The following TRABD2A variants were observed in gnomAD, a reference collection of about 807,000 sequenced individuals.
The protein encoded by TRABD2A is TraB domain containing 2A, also known as metalloprotease TIKI1.
TRABD2A carries 43 observed loss-of-function variants against 45.6 expected under a neutral mutation model. The observed-to-expected ratio is 0.94, with a 90% CI of 0.74 to 1.22. The LOEUF is 1.22. Among genes scored for constraint, TRABD2A ranks in the 50% most tolerant of loss-of-function variants. TRABD2A has a pLI of 0.00. For synonymous variants in TRABD2A, 269 were observed against 265.0 expected, an observed-to-expected ratio of 1.02 and a Z score of -0.15; for missense variants, 642 against 652.4, an observed-to-expected ratio of 0.98 and a Z score of 0.17.
intron 2 of TRABD2A, among the ~76,000 whole-genome samples, chr2:84,865,227 GA>G (rs72303233): frequency 3.3e-5 from 5 of 150,832 alleles, no homozygotes; most frequent in South Asian, 2.1e-4. Context: ...GCATTGTGGG[GA>G]AAAAAAAAGA....
chr2:84,852,860 C>T (rs1682142918), intron 2 of TRABD2A, among the ~76,000 whole-genome samples: 1 of 152,078 alleles, frequency 6.6e-6, no homozygotes, highest in Non-Finnish European at 1.5e-5. Flanking sequence ...ATAGATCTCC[C>T]AATGGGAGAA....
intron 5 of TRABD2A, among the ~76,000 whole-genome samples, chr2:84,829,617 A>ACATACC (rs36169293): frequency 6.7e-6 from 1 of 148,958 alleles, no homozygotes; most frequent in Non-Finnish European, 1.5e-5. Context: ...CACACACCAC[A>ACATACC]ACACAACGCA....
chr2:84,831,562 T>G (rs758839453), intron 5 of TRABD2A, among the ~76,000 whole-genome samples: 1 of 149,602 alleles, frequency 6.7e-6, no homozygotes, highest in Admixed American at 6.7e-5. Context: ...GAAATAAACC[T>G]AGGGAGGAGG....
At position 84,846,459 on chromosome 2, in the gene TRABD2A, G is replaced by C. The variant is rs569183686; in HGVS notation, c.670-4452C>G. Among the ~76,000 whole-genome samples the C allele has an allele frequency of 3.8e-4, 58 of 152,234 alleles. 1 individual carries two copies. The South Asian group carries it at 6.0e-3, about 16-fold the overall frequency. ...AAAAGATCAAGAGATACAGTGCCTC[G>C]AGAGACCAGCTAAGTGATGAGGTAG... On this transcript the variant is annotated intron_variant, in intron 2 of 6. Coordinates refer to ENST00000409520, the MANE Select transcript of TRABD2A (RefSeq NM_001277053.2).
intron 2 of TRABD2A, among the ~76,000 whole-genome samples, chr2:84,856,942 G>T (rs937531066): frequency 1.3e-5 from 2 of 152,194 alleles, no homozygotes; most frequent in African/African-American, 2.4e-5. Flanking sequence ...TCATAAGGGC[G>T]GGGCCCTGAC....
intron 2 of TRABD2A, among the ~76,000 whole-genome samples, chr2:84,860,400 G>A (rs1456084768): frequency 2.0e-5 from 3 of 152,282 alleles, no homozygotes; most frequent in Admixed American, 6.5e-5. Flanking sequence ...ACAGAGGGAC[G>A]AAGACGTGAA....
At position 84,870,449 on chromosome 2, in the gene TRABD2A, C is replaced by G. The variant is rs759830766; in HGVS notation, c.445G>C (p.Ala149Pro). The change falls in exon 2 of 7, where the codon GCA becomes CCA. Residue 149 changes from alanine (A) to proline (P), a missense_variant. Physicochemically the swap from Ala to Pro is conservative, Grantham distance 27 (BLOSUM62 -1). Coordinates refer to ENST00000409520, the MANE Select transcript of TRABD2A (RefSeq NM_001277053.2). The part of the protein sequence containing the change: ...TPDQRGKGLY[A>P]DYLFNAIAGN... The stretch of plus-strand genomic sequence containing the variant: ...GCAATAGCATTGAAGAGGTAGTCTG[C>G]GTAGAGCCCCTTGCCGCGCTGGTCT... 2 of 1,614,026 alleles carry G rather than the reference C, an allele frequency of 1.2e-6. No homozygotes were observed. Among genetic ancestry groups the G allele is most frequent in the Admixed American group, 3.3e-5 (2 of 60,026 alleles).
At chr2:84,867,966 A>G (rs377195828) in intron 2 of TRABD2A, among the ~76,000 whole-genome samples, 3,914 of 152,322 alleles carry the variant, frequency 0.026, 83 homozygotes, top group South Asian at 0.057. Flanking sequence ...GAGAAATAGG[A>G]ACGCTTTTAC....
intron 4 of TRABD2A, chr2:84,836,108 A>G (rs923086147): frequency 6.6e-6 from 1 of 152,240 alleles, no homozygotes; most frequent in Non-Finnish European, 1.5e-5. Context: ...GAAAAATCAC[A>G]ATCTGAAGAA....
intron 2 of TRABD2A, among the ~76,000 whole-genome samples, chr2:84,862,391 G>T (rs1682530294): frequency 1.3e-5 from 2 of 152,206 alleles, no homozygotes; most frequent in Non-Finnish European, 2.9e-5. Context: ...GGAAGAGCTG[G>T]CTGCTAGGGT....
chr2:84,863,438 G>T (rs1384802064), intron 2 of TRABD2A, among the ~76,000 whole-genome samples: 3 of 150,522 alleles, frequency 2.0e-5, no homozygotes, highest in African/African-American at 4.9e-5. Context: ...TAGACACGGG[G>T]TTTCACCATG....
intron 3 of TRABD2A, among the ~76,000 whole-genome samples, chr2:84,841,527 G>T (rs1023279164): frequency 1.3e-5 from 2 of 152,234 alleles, no homozygotes; most frequent in Admixed American, 6.5e-5. Flanking sequence ...TTTTGCAAAA[G>T]TATGACCTAA....
In TRABD2A at chr2:84,870,614, A is replaced by AG. The variant is rs1370826774; in HGVS notation, c.279dup (p.Tyr94LeufsTer84). The AG allele has an allele frequency of 1.4e-5, 22 of 1,613,252 alleles. No individual in the cohort carries two copies. The highest frequency in any genetic ancestry group is 1.8e-5 in the Non-Finnish European group (21 of 1,179,656). ...CAGCTGGTGAGAGCTGAGATGGTATAGGGGTCTGTGAGATCCAACTCAAAG... is the reference window on the plus strand; with the variant it reads ...CAGCTGGTGAGAGCTGAGATGGTATAGGGGGTCTGTGAGATCCAACTCAAAG... On this transcript the variant is annotated frameshift_variant, in exon 2 of 7. Transcript: ENST00000409520. LOFTEE classifies it high-confidence loss of function.
intron 1 of TRABD2A, chr2:84,879,548 T>C (rs756862573): frequency 6.2e-6 from 6 of 970,076 alleles, no homozygotes; most frequent in Non-Finnish European, 7.4e-6. Flanking sequence ...AATAAAGGAC[T>C]CATAAAGACA....
chr2:84,854,079 G>GA (rs140032393), intron 2 of TRABD2A, among the ~76,000 whole-genome samples: 1 of 149,016 alleles, frequency 6.7e-6, no homozygotes, highest in African/African-American at 2.4e-5. Context: ...ATTTATATTT[G>GA]AAAAAATAAA....
chr2:84,864,243 T>C (rs1440876775), intron 2 of TRABD2A, among the ~76,000 whole-genome samples: 1 of 152,174 alleles, frequency 6.6e-6, no homozygotes, highest in African/African-American at 2.4e-5. Context: ...CTGTGGAACA[T>C]GGACCACACA....
rs147885164 is a variant in TRABD2A at position 84,871,013 on chromosome 2, T to G, written c.109-228A>C. On this transcript the variant is annotated intron_variant, in intron 1 of 6. Transcript: ENST00000409520. ...AGGACTCTAGTTTCAACCTTGGCTG[T>G]ATGTTGGGATCACCAGCGGAGCTTT... Among the ~76,000 whole-genome samples, 394 of 152,306 alleles carry G rather than the reference T, an allele frequency of 2.6e-3. 2 individuals carry two copies. Among genetic ancestry groups the G allele is most frequent in the African/African-American group, 8.8e-3 (366 of 41,568 alleles).
Position 84,821,927 on chromosome 2 carries a change from G to T in TRABD2A, c.1508C>A (p.Pro503His), listed in dbSNP as rs765273481. Residue 503 changes from proline (P) to histidine (H), a missense_variant, in exon 7 of 7, where the codon CCC becomes CAC. Physicochemically the swap from Pro to His is moderately conservative, Grantham distance 77. Transcript: ENST00000409520. The part of the protein sequence containing the change: ...VLVLAFQTET[P>H]LL The stretch of plus-strand genomic sequence containing the variant: ...TGGTGCTTCCAGTCGTTACAGGAGG[G>T]GTGTCTCTGTTTGGAAAGCCAGCAC... The T allele has an allele frequency of 4.1e-5, 65 of 1,600,514 alleles. No individual in the cohort carries two copies. Among genetic ancestry groups the T allele is most frequent in the Non-Finnish European group, 5.4e-5 (63 of 1,173,254 alleles).
chr2:84,864,518 G>C (rs1469735409), intron 2 of TRABD2A, among the ~76,000 whole-genome samples: 1 of 152,156 alleles, frequency 6.6e-6, no homozygotes, highest in East Asian at 1.9e-4. Flanking sequence ...CTCAGAGGCA[G>C]AGTTGGATTA....
Sources: gnomAD v4.1 joint callset for allele counts (sites outside exome capture counted in the v4.1 genomes callset) on GRCh38, gnomAD v4.1.1 for gene constraint, MANE v1.5 for transcripts, NCBI Gene and HGNC (gene_info 2026-07-23, HGNC 2026-07-21) for gene names.